The following CNTNAP2 variants were observed in gnomAD, a reference collection of about 807,000 sequenced individuals.
CNTNAP2 encodes contactin-associated protein-like 2.
In CNTNAP2, 98 loss-of-function variants were observed where a neutral mutation model predicts 155.2. The ratio of observed to expected loss-of-function variants is 0.63; its 90% CI spans 0.54 to 0.75. The LOEUF (loss-of-function observed/expected upper bound fraction) is 0.75, where lower values mean the gene tolerates loss of function less well. Among genes scored for constraint, CNTNAP2 ranks in the 30% least tolerant of loss-of-function variants. The pLI is 0.00. For synonymous variants in CNTNAP2, 651 were observed against 631.2 expected (o/e 1.03, Z -0.47); for missense variants, 1,727 against 1,688.1 (o/e 1.02, Z -0.40).
chr7:146,754,554 GTC>G (rs143802449), intron 1 of CNTNAP2, among the ~76,000 whole-genome samples: 5,411 of 144,296 alleles, frequency 0.037, 288 homozygotes, highest in African/African-American at 0.12. Context: ...CTCTCTCTCT[GTC>G]TCTCTCTCTC....
chr7:147,570,547 G>T (rs1034698707), intron 12 of CNTNAP2, among the ~76,000 whole-genome samples: 9 of 152,148 alleles, frequency 5.9e-5, no homozygotes, highest in African/African-American at 2.2e-4. Context: ...TAGTCACTGT[G>T]CAATAAAGAT....
chr7:146,782,779 A>G (rs894668672), intron 2 of CNTNAP2, among the ~76,000 whole-genome samples: 4 of 152,152 alleles, frequency 2.6e-5, no homozygotes, highest in Non-Finnish European at 5.9e-5. Flanking sequence ...TACACAAACT[A>G]TGTTGCATTG....
chr7:146,620,801 AC>A (rs1378404563), intron 1 of CNTNAP2, among the ~76,000 whole-genome samples: 1 of 151,982 alleles, frequency 6.6e-6, no homozygotes, highest in African/African-American at 2.4e-5. Flanking sequence ...ATGTGTGCTC[AC>A]CCCCTCCAAG....
At chr7:146,304,337 G>A (rs189982852) in intron 1 of CNTNAP2, among the ~76,000 whole-genome samples, 9 of 152,082 alleles carry the variant, frequency 5.9e-5, no homozygotes, top group South Asian at 2.1e-4. Flanking sequence ...TCTTTTGCTC[G>A]TTAGTTGATG....
intron 1 of CNTNAP2, among the ~76,000 whole-genome samples, chr7:146,609,891 T>C (rs1799106259): frequency 6.6e-6 from 1 of 152,170 alleles, no homozygotes; most frequent in African/African-American, 2.4e-5. Flanking sequence ...AGCATGCTTA[T>C]AAGACCAGAA....
intron 12 of CNTNAP2, among the ~76,000 whole-genome samples, chr7:147,631,443 G>A (rs749499242): frequency 2.0e-5 from 3 of 151,934 alleles, no homozygotes; most frequent in Non-Finnish European, 4.4e-5. Context: ...TTCCATCAAA[G>A]TACCATCAAT....
chr7:146,525,607 TG>T (rs752710673), intron 1 of CNTNAP2, among the ~76,000 whole-genome samples: 2 of 152,112 alleles, frequency 1.3e-5, no homozygotes, highest in African/African-American at 2.4e-5. Context: ...ATCATCTTGA[TG>T]TATTGATTCA....
In CNTNAP2 at chr7:148,172,253, G is replaced by A. The variant is rs755351132; in HGVS notation, c.2785G>A (p.Gly929Ser). The A allele has an allele frequency of 1.9e-6, 3 of 1,613,810 alleles. No individual in the cohort carries two copies. Among genetic ancestry groups the A allele is most frequent in the Non-Finnish European group, 8.5e-7 (1 of 1,179,970 alleles). The change falls in exon 18 of 24, where the codon GGC (glycine) becomes AGC (serine). Residue 929 changes from glycine (G) to serine (S), a missense_variant. Physicochemically the swap from Gly to Ser is moderately conservative, Grantham distance 56. Transcript: ENST00000361727. The part of the protein sequence containing the change: ...YSQLFVGGAG[G>S]QQGFLGCIRS... ...TCTGTCATTCCCAGGTGGTGCTGGG[G>A]GCCAGCAGGGCTTCCTGGGCTGCAT...
chr7:147,876,719 A>G (rs949830418), intron 13 of CNTNAP2, among the ~76,000 whole-genome samples: 1 of 151,992 alleles, frequency 6.6e-6, no homozygotes, highest in African/African-American at 2.4e-5. Context: ...GGTAGAGACG[A>G]TGTTTTCTAG....
intron 2 of CNTNAP2, among the ~76,000 whole-genome samples, chr7:146,823,560 T>A (rs1317921646): frequency 6.7e-6 from 1 of 148,218 alleles, no homozygotes; most frequent in Non-Finnish European, 1.5e-5. Context: ...CTTCAGTATA[T>A]TTACATGGAA....
intron 1 of CNTNAP2, among the ~76,000 whole-genome samples, chr7:146,186,920 C>G (rs980554417): frequency 5.9e-5 from 9 of 152,066 alleles, no homozygotes; most frequent in African/African-American, 2.2e-4. Flanking sequence ...ATTCAAGAAC[C>G]TAGTAAATAT....
At chr7:146,704,619 A>G (rs982751580) in intron 1 of CNTNAP2, among the ~76,000 whole-genome samples, 1 of 152,170 alleles carries the variant, frequency 6.6e-6, no homozygotes, top group Non-Finnish European at 1.5e-5. Flanking sequence ...TATGTTTGCC[A>G]ATAAGATTAG....
At chr7:147,223,530 A>C (rs1803452840) in intron 8 of CNTNAP2, among the ~76,000 whole-genome samples, 1 of 152,300 alleles carries the variant, frequency 6.6e-6, no homozygotes, top group East Asian at 1.9e-4. Flanking sequence ...ATTGTGATGC[A>C]CTGGGGAAAA....
rs775909976 is a variant in CNTNAP2, at chr7:148,334,504, GA to G, written c.3476-49141del. On this transcript the variant is annotated intron_variant, in intron 21 of 23. Coordinates refer to ENST00000361727, the MANE Select transcript of CNTNAP2 (RefSeq NM_014141.6). The stretch of plus-strand genomic sequence containing the variant: ...CCATGGACCTTGGTAAGAAACACTA[GA>G]AAAGTTAGGAAAAGGGGTTTTTCCA... Among the ~76,000 whole-genome samples, 26 of 152,328 alleles carry G rather than the reference GA, an allele frequency of 1.7e-4. 1 individual carries two copies. The South Asian group carries it at 5.4e-3, about 32-fold the overall frequency.
chr7:147,894,042 A>G (rs993163322), intron 13 of CNTNAP2: 1 of 152,186 alleles, frequency 6.6e-6, no homozygotes, highest in Admixed American at 6.5e-5. Flanking sequence ...GGAGGACTCT[A>G]TAGAGGCTAC....
chr7:147,027,176 T>A (rs1315150453), intron 3 of CNTNAP2, among the ~76,000 whole-genome samples: 1 of 152,164 alleles, frequency 6.6e-6, no homozygotes, highest in East Asian at 1.9e-4. Context: ...GTTGTGGCCA[T>A]CTATTTAAAG....
At chr7:146,427,927 G>A (rs1796116095) in intron 1 of CNTNAP2, among the ~76,000 whole-genome samples, 1 of 152,066 alleles carries the variant, frequency 6.6e-6, no homozygotes, top group African/African-American at 2.4e-5. Context: ...AGTGTGTGTT[G>A]TTCCCTGCCA....
chr7:147,269,936 C>T (rs111953027), intron 8 of CNTNAP2, among the ~76,000 whole-genome samples: 2,259 of 152,156 alleles, frequency 0.015, 66 homozygotes, highest in African/African-American at 0.052. Flanking sequence ...GTGGCGTGCT[C>T]CTATAGTCCC....
In CNTNAP2 at chr7:146,410,740, T is replaced by G. The variant is rs73164017; in HGVS notation, c.97+293767T>G. Among the ~76,000 whole-genome samples, 782 of 152,242 alleles carry G rather than the reference T, an allele frequency of 5.1e-3. 7 individuals are homozygous for G. Among genetic ancestry groups the G allele is most frequent in the Non-Finnish European group, 8.8e-3 (600 of 68,004 alleles). On this transcript the variant is annotated intron_variant, in intron 1 of 23. Coordinates refer to ENST00000361727, the MANE Select transcript of CNTNAP2 (RefSeq NM_014141.6). ...GATACTAATTTTTATCTTTGTGAAA[T>G]TTTGTTTCCTTGACCAACATCTCCC...
Sources: allele counts gnomAD v4.1 joint callset (sites outside exome capture counted in the v4.1 genomes callset), GRCh38; gene constraint gnomAD v4.1.1; transcripts MANE v1.5; gene names NCBI Gene and HGNC (gene_info 2026-07-23, HGNC 2026-07-21).